Variants in PCDH15 observed in about 807,000 individuals in gnomAD.
PCDH15 encodes the protein protocadherin-15.
A neutral mutation model predicts 178.5 loss-of-function variants in PCDH15; 129 were observed. The observed-to-expected ratio is 0.72, with a 90% confidence interval of 0.63 to 0.84. PCDH15 has a LOEUF of 0.84. PCDH15 is among the 40% of genes least tolerant of loss of function. The pLI, the probability that PCDH15 is intolerant of heterozygous loss-of-function variation, is 0.00. For missense variants in PCDH15, 2,230 were observed against 2,099.9 expected, an observed-to-expected ratio of 1.06 and a Z score of -1.21; for synonymous variants, 800 against 732.0, an observed-to-expected ratio of 1.09 and a Z score of -1.50.
chr10:53,878,486 A>AT (rs35191787), intron 26 of PCDH15, among the ~76,000 whole-genome samples: 2 of 142,174 alleles, frequency 1.4e-5, no homozygotes, highest in Non-Finnish European at 3.0e-5. Context: ...GTATATATAT[A>AT]AATATATAAT....
chr10:54,846,658 G>T (rs187956933), intron 3 of PCDH15, among the ~76,000 whole-genome samples: 3 of 152,020 alleles, frequency 2.0e-5, no homozygotes, highest in Admixed American at 2.0e-4. Flanking sequence ...AATAGGAATT[G>T]CGAGGAAAGG....
At chr10:55,609,930 C>T (rs182518107) in intron 2 of PCDH15, among the ~76,000 whole-genome samples, 2 of 152,076 alleles carry the variant, frequency 1.3e-5, no homozygotes, top group African/African-American at 4.8e-5. Context: ...ACAATACTGT[C>T]ATAATAAGGA....
At chr10:54,422,551 T>A (rs1164030576) in intron 3 of PCDH15, among the ~76,000 whole-genome samples, 1 of 152,132 alleles carries the variant, frequency 6.6e-6, no homozygotes, top group African/African-American at 2.4e-5. Context: ...AGACAATTAT[T>A]TAATGCAGAG....
intron 1 of PCDH15, among the ~76,000 whole-genome samples, chr10:54,706,632 T>C (rs534653167): frequency 1.2e-3 from 180 of 152,290 alleles, no homozygotes; most frequent in African/African-American, 4.2e-3. Flanking sequence ...ATATTTTAAT[T>C]TATTTTTTCA....
At chr10:55,226,426 C>T (rs1001219342) in intron 1 of PCDH15, among the ~76,000 whole-genome samples, 3 of 140,726 alleles carry the variant, frequency 2.1e-5, no homozygotes, top group African/African-American at 5.0e-5. Flanking sequence ...GGCATCATGT[C>T]GGCTCACTGC....
intron 26 of PCDH15, among the ~76,000 whole-genome samples, chr10:53,874,937 G>A (rs891318565): frequency 6.6e-6 from 1 of 151,996 alleles, no homozygotes; most frequent in Non-Finnish European, 1.5e-5. Flanking sequence ...CCCAAGATGG[G>A]ATTGTTAGCA....
At chr10:54,776,992 G>C (rs1949780928) in intron 1 of PCDH15, among the ~76,000 whole-genome samples, 1 of 152,118 alleles carries the variant, frequency 6.6e-6, no homozygotes, top group Non-Finnish European at 1.5e-5. Flanking sequence ...GGAAAAATAT[G>C]CTGTTTATAG....
chr10:55,447,577 C>T (rs913391210), intron 2 of PCDH15, among the ~76,000 whole-genome samples: 3 of 151,696 alleles, frequency 2.0e-5, no homozygotes, highest in African/African-American at 7.3e-5. Context: ...ATGGTATCAG[C>T]AAAACAAAAT....
At chr10:55,454,844 T>G (rs1565156514) in intron 2 of PCDH15, among the ~76,000 whole-genome samples, 1 of 151,102 alleles carries the variant, frequency 6.6e-6, no homozygotes, top group South Asian at 2.1e-4. Context: ...AAATAAAATA[T>G]AAATGATACT....
intron 23 of PCDH15, among the ~76,000 whole-genome samples, chr10:53,949,133 G>C (rs1019010264): frequency 6.6e-6 from 1 of 152,146 alleles, no homozygotes; most frequent in African/African-American, 2.4e-5. Context: ...TATAACCTTG[G>C]AAATGTGAAA....
At chr10:54,330,661 G>A (rs1194033146) in intron 6 of PCDH15, among the ~76,000 whole-genome samples, 1 of 151,736 alleles carries the variant, frequency 6.6e-6, no homozygotes. Context: ...TTTTTTCCTG[G>A]TAACATGGAA....
chr10:55,299,379 C>T (rs905757736), intron 1 of PCDH15, among the ~76,000 whole-genome samples: 2 of 152,114 alleles, frequency 1.3e-5, no homozygotes, highest in Non-Finnish European at 2.9e-5. Flanking sequence ...GCCATTACTC[C>T]TCTTGCAGAT....
chr10:55,336,478 C>A (rs1252638255), intron 2 of PCDH15, among the ~76,000 whole-genome samples: 2 of 152,084 alleles, frequency 1.3e-5, no homozygotes, highest in Admixed American at 6.6e-5. Flanking sequence ...AGCCTGGCAA[C>A]AGAGCTAGAC....
intron 2 of PCDH15, among the ~76,000 whole-genome samples, chr10:55,328,074 G>A (rs776969703): frequency 1.3e-4 from 19 of 151,850 alleles, no homozygotes; most frequent in Non-Finnish European, 2.2e-4. Flanking sequence ...CTAATAAAAC[G>A]AAACTTTGTA....
chr10:54,051,614 G>C (rs141489895), intron 18 of PCDH15, among the ~76,000 whole-genome samples: 5 of 152,256 alleles, frequency 3.3e-5, no homozygotes, highest in Non-Finnish European at 7.4e-5. Context: ...AGAGAAAACA[G>C]AGCATTAAAG....
At chr10:55,182,888 T>G (rs1839690741) in intron 1 of PCDH15, among the ~76,000 whole-genome samples, 1 of 151,954 alleles carries the variant, frequency 6.6e-6, no homozygotes, top group Non-Finnish European at 1.5e-5. Flanking sequence ...AACTGAAGGA[T>G]ATTTAAATTT....
chr10:53,821,727 CGA>C (rs1354518440), intron 32 of PCDH15: 18 of 1,509,472 alleles, frequency 1.2e-5, no homozygotes, highest in Non-Finnish European at 1.5e-5. Context: ...AAATTAAAAA[CGA>C]GAAAAAAAAC....
At chr10:55,549,421 G>A (rs956116252) in intron 2 of PCDH15, among the ~76,000 whole-genome samples, 1 of 152,056 alleles carries the variant, frequency 6.6e-6, no homozygotes, top group African/African-American at 2.4e-5. Flanking sequence ...TGATGGGTAT[G>A]CATCAATTGA....
intron 2 of PCDH15, among the ~76,000 whole-genome samples, chr10:54,565,198 C>T (rs1259990684): frequency 6.6e-6 from 1 of 152,182 alleles, no homozygotes; most frequent in Non-Finnish European, 1.5e-5. Context: ...TTCAAACATT[C>T]CAACACCTTT....
Sources: gnomAD v4.1 joint callset for allele counts (sites outside exome capture counted in the v4.1 genomes callset) on GRCh38, gnomAD v4.1.1 for gene constraint, MANE v1.5 for transcripts, NCBI Gene and HGNC (gene_info 2026-07-23, HGNC 2026-07-21) for gene names.